The following CDC42SE2 variants were observed in gnomAD, a reference collection of about 807,000 sequenced individuals.
The protein encoded by CDC42SE2 is CDC42 small effector protein 2.
In CDC42SE2, 3 loss-of-function variants were observed where a neutral mutation model predicts 11.5. That is an observed-to-expected ratio of 0.26 (90% CI 0.12 to 0.67). CDC42SE2 has a LOEUF of 0.67. Ranked by LOEUF, CDC42SE2 falls within the 30% of genes least tolerant of loss-of-function variation. The pLI, the probability that CDC42SE2 is intolerant of heterozygous loss-of-function variation, is 0.80. For missense variants in CDC42SE2, 82 were observed against 106.8 expected, an observed-to-expected ratio of 0.77 and a Z score of 1.02; for synonymous variants, 33 against 34.8, an observed-to-expected ratio of 0.95 and a Z score of 0.18.
chr5:131,393,383 C>A lies in CDC42SE2; in HGVS notation c.*2292C>A, dbSNP rs1750725449. On this transcript the variant is annotated 3_prime_UTR_variant, in exon 5 of 5. Coordinates refer to ENST00000505065, the MANE Select transcript of CDC42SE2 (RefSeq NM_001375635.1). ...CAGATTACTTGATCTTTGTATTTTGCAGTTTTGAGCCTTTGTGTCAATCCC... is the reference window on the plus strand; with the variant it reads ...CAGATTACTTGATCTTTGTATTTTGAAGTTTTGAGCCTTTGTGTCAATCCC... 6.6e-6 allele frequency: 1 copy of A among 152,342 alleles called. No individual in the cohort carries two copies. The highest frequency in any genetic ancestry group is 2.1e-4 in the South Asian group (1 of 4,830). 9.4% of individuals were successfully genotyped at this position (152,342 alleles called of 1,614,324 possible).
At chr5:131,286,048 CTTTT>C (rs66827141) in intron 1 of CDC42SE2, among the ~76,000 whole-genome samples, 8 of 127,228 alleles carry the variant, frequency 6.3e-5, no homozygotes, top group Non-Finnish European at 6.9e-5. Context: ...GGAAATGTAG[CTTTT>C]TTTTTTTTTT....
At chr5:131,310,201 T>C (rs1394477192) in intron 1 of CDC42SE2, among the ~76,000 whole-genome samples, 23 of 152,066 alleles carry the variant, frequency 1.5e-4, no homozygotes, top group Admixed American at 9.8e-4. Flanking sequence ...CATTTTGTTA[T>C]GTACCCAGTA....
At chr5:131,264,221 G>C (rs1756802871) in intron 1 of CDC42SE2, 55 bp downstream of exon 1, 1 of 152,248 alleles carries the variant, frequency 6.6e-6, no homozygotes, top group Admixed American at 6.5e-5. Context: ...CGCCCTCTCG[G>C]TCCCTTGGGC....
chr5:131,246,918 A>G (rs1756599957), intron 1 of CDC42SE2, among the ~76,000 whole-genome samples: 1 of 151,644 alleles, frequency 6.6e-6, no homozygotes. Flanking sequence ...TAATTTTTGT[A>G]TTTTTAGTAG....
chr5:131,232,788 G>T, the CDC42SE2 span, among the ~76,000 whole-genome samples: 1 of 143,200 alleles, frequency 7.0e-6, no homozygotes, highest in Admixed American at 7.0e-5. Context: ...CTTTAAAATA[G>T]CTCAAGTTTA....
chr5:131,286,505 C>T (rs1757344832), intron 1 of CDC42SE2, among the ~76,000 whole-genome samples: 1 of 150,292 alleles, frequency 6.7e-6, no homozygotes, highest in Non-Finnish European at 1.5e-5. Flanking sequence ...CCTTCAGAAG[C>T]CTCTGTTTAC....
chr5:131,281,382 G>A (rs1433542721), intron 1 of CDC42SE2, among the ~76,000 whole-genome samples: 3 of 152,240 alleles, frequency 2.0e-5, no homozygotes, highest in Admixed American at 2.0e-4. Flanking sequence ...TGCATTTGTG[G>A]TCTACAGAAG....
chr5:131,320,527 A>G (rs1213611738), intron 2 of CDC42SE2, among the ~76,000 whole-genome samples: 1 of 152,054 alleles, frequency 6.6e-6, no homozygotes, highest in African/African-American at 2.4e-5. Flanking sequence ...GGATCATTTG[A>G]GGTCAGGAGT....
intron 2 of CDC42SE2, among the ~76,000 whole-genome samples, chr5:131,258,687 C>T (rs1238268645): frequency 6.6e-6 from 1 of 152,182 alleles, no homozygotes; most frequent in Admixed American, 6.5e-5. Context: ...GTGTGCAATA[C>T]ATAGTTTGGG....
At chr5:131,305,891 T>G (rs1757768684) in intron 1 of CDC42SE2, among the ~76,000 whole-genome samples, 1 of 152,238 alleles carries the variant, frequency 6.6e-6, no homozygotes. Context: ...GTTTCAGGTC[T>G]TACATTTAAG....
chr5:131,351,643 T>C (rs980798169), intron 2 of CDC42SE2, among the ~76,000 whole-genome samples: 1 of 152,200 alleles, frequency 6.6e-6, no homozygotes, highest in East Asian at 1.9e-4. Flanking sequence ...GATATCCATA[T>C]TTTTTTAAAA....
chr5:131,224,196 C>G, the CDC42SE2 span, among the ~76,000 whole-genome samples: 41 of 152,304 alleles, frequency 2.7e-4, no homozygotes, highest in East Asian at 6.9e-3. Flanking sequence ...AATGCCACCT[C>G]TAATCTGAAA....
intron 1 of CDC42SE2, among the ~76,000 whole-genome samples, chr5:131,271,218 TAACC>T (rs1335255571): frequency 6.6e-6 from 1 of 152,182 alleles, no homozygotes; most frequent in African/African-American, 2.4e-5. Context: ...TATAACATTT[TAACC>T]AGAACTGCCC....
chr5:131,227,923 C>T, the CDC42SE2 span, among the ~76,000 whole-genome samples: 1 of 152,238 alleles, frequency 6.6e-6, no homozygotes, highest in African/African-American at 2.4e-5. Context: ...CGTACTGGCT[C>T]ATGCCTGTAA....
rs1342670166 is a variant in CDC42SE2, at chr5:131,391,729, CATT to C, written c.*639_*641del. The C allele has an allele frequency of 6.6e-6, 1 of 152,194 alleles. No individual in the cohort carries two copies. Among genetic ancestry groups the C allele is most frequent in the African/African-American group, 2.4e-5 (1 of 41,444 alleles). 9.4% of individuals were successfully genotyped at this position (152,194 alleles called of 1,614,324 possible). A position where few individuals can be genotyped will look rare whatever the true frequency, so the allele number is the denominator to read the frequency against. ...GGTAGTAATTTTACAGTTAAGACTT[CATT>C]GTTTATAAACTTTTCAAATTAATTA... On this transcript the variant is annotated 3_prime_UTR_variant, in exon 5 of 5. Coordinates refer to ENST00000505065, the MANE Select transcript of CDC42SE2 (RefSeq NM_001375635.1).
chr5:131,269,215 A>G (rs1756941366), intron 1 of CDC42SE2, among the ~76,000 whole-genome samples: 1 of 152,216 alleles, frequency 6.6e-6, no homozygotes, highest in Non-Finnish European at 1.5e-5. Flanking sequence ...TGAAATGCCA[A>G]GAAGACTTGG....
intron 1 of CDC42SE2, among the ~76,000 whole-genome samples, chr5:131,281,315 T>C (rs1580729172): frequency 6.6e-6 from 1 of 152,198 alleles, no homozygotes; most frequent in Non-Finnish European, 1.5e-5. Flanking sequence ...ATTTCTCATG[T>C]GGTAAAGAAG....
the CDC42SE2 span, among the ~76,000 whole-genome samples, chr5:131,232,957 T>A: frequency 6.6e-6 from 1 of 151,758 alleles, no homozygotes; most frequent in South Asian, 2.1e-4. Flanking sequence ...AAAAAATTTT[T>A]TGAAAGCTAC....
chr5:131,334,583 T>C (rs1466227414), intron 2 of CDC42SE2, among the ~76,000 whole-genome samples: 1 of 152,202 alleles, frequency 6.6e-6, no homozygotes, highest in Non-Finnish European at 1.5e-5. Flanking sequence ...TGGCTGTGAA[T>C]CTATGTGGTC....
Sources: gnomAD v4.1 joint callset for allele counts (sites outside exome capture counted in the v4.1 genomes callset) on GRCh38, gnomAD v4.1.1 for gene constraint, MANE v1.5 for transcripts, NCBI Gene and HGNC (gene_info 2026-07-23, HGNC 2026-07-21) for gene names.